HOMER2: variants seen among roughly 807,000 people sequenced by gnomAD.
HOMER2 encodes the protein homer protein homolog 2.
In HOMER2, 27 loss-of-function variants were observed where a neutral mutation model predicts 47.0. The ratio of observed to expected loss-of-function variants is 0.57; its 90% CI spans 0.42 to 0.79. HOMER2 has a LOEUF of 0.79. Ranked by LOEUF, HOMER2 falls within the 30% of genes least tolerant of loss-of-function variation. The pLI is 0.00. For missense variants in HOMER2, 443 were observed against 435.0 expected (o/e 1.02, Z -0.16); for synonymous variants, 161 against 163.8 (o/e 0.98, Z 0.13).
chr15:82,972,631 G>A (rs1296419220), intron 1 of HOMER2, among the ~76,000 whole-genome samples: 1 of 151,972 alleles, frequency 6.6e-6, no homozygotes, highest in Non-Finnish European at 1.5e-5. Flanking sequence ...GCAGTGAGCT[G>A]AGATGGCGCC....
At chr15:82,847,479 CCA>C (rs1237313987), downstream of HOMER2, among the ~76,000 whole-genome samples, 1 of 152,188 alleles carries the variant, frequency 6.6e-6, no homozygotes, top group African/African-American at 2.4e-5. Flanking sequence ...AGGATGCTCA[CCA>C]CACTCTTCAG....
chr15:82,904,024 C>G (rs1019755058), intron 1 of HOMER2, among the ~76,000 whole-genome samples: 2 of 152,136 alleles, frequency 1.3e-5, no homozygotes, highest in Non-Finnish European at 2.9e-5. Context: ...GTAATCTCAG[C>G]TACTCGAGAG....
At chr15:82,875,087 G>A (rs1460835922) in intron 3 of HOMER2, among the ~76,000 whole-genome samples, 186 bp downstream of exon 3, 1 of 152,186 alleles carries the variant, frequency 6.6e-6, no homozygotes, top group African/African-American at 2.4e-5. Context: ...CCCTTCCCCA[G>A]ATGACTTCCG....
At chr15:82,927,464 A>G (rs575492109) in intron 1 of HOMER2, among the ~76,000 whole-genome samples, 6 of 152,302 alleles carry the variant, frequency 3.9e-5, no homozygotes, top group African/African-American at 1.4e-4. Context: ...GAAACTCCCA[A>G]TTTCTATAGC....
intron 3 of HOMER2, 80 bp downstream of exon 3, chr15:82,875,193 G>A: frequency 6.6e-7 from 1 of 1,508,474 alleles, no homozygotes; most frequent in Non-Finnish European, 9.1e-7. Flanking sequence ...CTCACCAAGG[G>A]CACATCCCTC....
At position 82,913,312 on chromosome 15, in the gene HOMER2, A is replaced by C. The variant is rs995482043; in HGVS notation, c.6-20471T>G. On this transcript the variant is annotated intron_variant, in intron 1 of 8. Transcript: ENST00000450735. This position sits in a 1 kb window ranked among gnomAD's most constrained non-coding sequence, Gnocchi z 4.1. ...CTTACTTTGCCTCCAGGTTAGTCTG[A>C]TTTTTTTTTTTTAACAGCAAACATT... 6.8e-6 allele frequency among the ~76,000 whole-genome samples: 1 copy of C among 147,034 alleles called. No individual in the cohort carries two copies. The highest frequency in any genetic ancestry group is 1.5e-5 in the Non-Finnish European group (1 of 66,376).
At chr15:82,847,561 T>C (rs1258023736), downstream of HOMER2, among the ~76,000 whole-genome samples, 1 of 152,134 alleles carries the variant, frequency 6.6e-6, no homozygotes, top group Non-Finnish European at 1.5e-5. Context: ...CTTCCAACAT[T>C]TTCTACACCT....
intron 1 of HOMER2, among the ~76,000 whole-genome samples, chr15:82,981,527 T>C (rs549348554): frequency 1.4e-4 from 22 of 152,328 alleles, no homozygotes; most frequent in South Asian, 1.0e-3. Context: ...CCCAAAAGAA[T>C]AGAAAGCAGG....
chr15:82,924,145 A>T (rs2053800738), intron 1 of HOMER2, among the ~76,000 whole-genome samples: 1 of 152,134 alleles, frequency 6.6e-6, no homozygotes, highest in Admixed American at 6.5e-5. Flanking sequence ...CAGCACACAG[A>T]AGTAAGCAGC....
chr15:82,855,073 A>G (rs2051528627), intron 5 of HOMER2, among the ~76,000 whole-genome samples: 1 of 152,192 alleles, frequency 6.6e-6, no homozygotes, highest in South Asian at 2.1e-4. Flanking sequence ...GCAGTGGCTC[A>G]TGCCTGTAAT....
chr15:82,934,239 C>T (rs1197621995), intron 1 of HOMER2, among the ~76,000 whole-genome samples: 1 of 152,166 alleles, frequency 6.6e-6, no homozygotes, highest in Non-Finnish European at 1.5e-5. Context: ...TTCCCACCCA[C>T]CTTCGCCTGC....
chr15:82,914,178 TACACACACAC>T (rs58323062), intron 1 of HOMER2, among the ~76,000 whole-genome samples: 12,345 of 116,766 alleles, frequency 0.11, 697 homozygotes, highest in Non-Finnish European at 0.14. Context: ...CTACTAAAAA[TACACACACAC>T]ACACACACAC....
intron 1 of HOMER2, among the ~76,000 whole-genome samples, chr15:82,949,112 G>A (rs553323778): frequency 6.6e-6 from 1 of 152,280 alleles, no homozygotes; most frequent in Non-Finnish European, 1.5e-5. Flanking sequence ...TGCATGGTAG[G>A]GCCACTGACT....
intron 1 of HOMER2, among the ~76,000 whole-genome samples, chr15:82,975,341 C>G (rs192393911): frequency 6.6e-6 from 1 of 152,238 alleles, no homozygotes; most frequent in East Asian, 1.9e-4. Flanking sequence ...ACCATATGAT[C>G]CAGCAATCCC....
chr15:82,971,415 T>C (rs530835394), intron 1 of HOMER2, among the ~76,000 whole-genome samples: 69 of 148,408 alleles, frequency 4.6e-4, no homozygotes, highest in South Asian at 1.9e-3. Flanking sequence ...GACAGATACA[T>C]ACACACACAC....
intron 2 of HOMER2, among the ~76,000 whole-genome samples, chr15:82,876,592 G>A (rs561082739): frequency 6.6e-6 from 1 of 152,208 alleles, no homozygotes; most frequent in African/African-American, 2.4e-5. Flanking sequence ...TGTAAGGGCA[G>A]GGTAGCAATA....
chr15:82,925,187 A>C (rs1305104943), intron 1 of HOMER2, among the ~76,000 whole-genome samples: 2 of 152,204 alleles, frequency 1.3e-5, no homozygotes, highest in Admixed American at 6.5e-5. Context: ...GAGAAAGCCC[A>C]AAAATACTCC....
chr15:82,901,923 G>A (rs919092890), intron 1 of HOMER2, among the ~76,000 whole-genome samples: 3 of 152,314 alleles, frequency 2.0e-5, no homozygotes, highest in South Asian at 2.1e-4. Context: ...GGTATCTGTC[G>A]TGTTAGCCAC....
intron 1 of HOMER2, among the ~76,000 whole-genome samples, chr15:82,951,547 G>A (rs2054505752): frequency 6.6e-6 from 1 of 152,248 alleles, no homozygotes; most frequent in South Asian, 2.1e-4. Flanking sequence ...TAGACCCTTG[G>A]AGCAGAAGCA....
Sources: gnomAD v4.1 joint callset for allele counts (sites outside exome capture counted in the v4.1 genomes callset) on GRCh38, gnomAD v4.1.1 for gene constraint, Gnocchi (gnomAD v3.1) non-coding constraint, MANE v1.5 for transcripts, NCBI Gene and HGNC (gene_info 2026-07-23, HGNC 2026-07-21) for gene names.